Variants in PDE11A observed in about 807,000 individuals in gnomAD.
PDE11A encodes the protein dual 3',5'-cyclic-AMP and -GMP phosphodiesterase 11A.
A neutral mutation model predicts 100.5 loss-of-function variants in PDE11A; 100 were observed. The observed-to-expected ratio is 1.00, with a 90% CI of 0.85 to 1.18. PDE11A has a LOEUF of 1.18. Ranked by LOEUF, PDE11A falls within the 50% of genes most tolerant of loss-of-function variation. The pLI, the probability that PDE11A is intolerant of heterozygous loss-of-function variation, is 0.00. For synonymous variants in PDE11A, 381 were observed against 420.8 expected (o/e 0.91, Z 1.16); for missense variants, 1,141 against 1,152.6 (o/e 0.99, Z 0.15).
Position 177,625,729 on chromosome 2 carries a change from T to C in PDE11A, c.*3678A>G, listed in dbSNP as rs1371395019. Reference sequence around the variant, plus strand: ...TAAGGACTGGGAAACTTCCTTTCTCTTTTTTGGAAAAGCAGATTATATGGA... The same window carrying C: ...TAAGGACTGGGAAACTTCCTTTCTCCTTTTTGGAAAAGCAGATTATATGGA... On this transcript the variant is annotated 3_prime_UTR_variant, in exon 20 of 20. Transcript: ENST00000286063. The C allele has an allele frequency of 6.6e-6, 1 of 152,312 alleles. No homozygotes were observed. Among genetic ancestry groups the C allele is most frequent in the East Asian group, 1.9e-4 (1 of 5,202 alleles). 9.4% of individuals were successfully genotyped at this position (152,312 alleles called of 1,614,324 possible).
At chr2:178,067,191 C>T (rs2087058509) in intron 1 of PDE11A, among the ~76,000 whole-genome samples, 1 of 152,156 alleles carries the variant, frequency 6.6e-6, no homozygotes. Context: ...CTCCACCAGA[C>T]CATGACAGTA....
chr2:177,675,910 C>G (rs2080765962), intron 16 of PDE11A: 1 of 334,834 alleles, frequency 3.0e-6, no homozygotes, highest in African/African-American at 2.1e-5. Flanking sequence ...GCTGATGAAA[C>G]TACTTACCAA....
At position 178,061,365 on chromosome 2, in the gene PDE11A, G is replaced by A. The variant is rs188172644; in HGVS notation, c.912+10161C>T. 1.1e-3 allele frequency among the ~76,000 whole-genome samples: 160 copies of A among 152,150 alleles called. 3 individuals are homozygous for A. The highest frequency in any genetic ancestry group is 6.6e-4 in the Non-Finnish European group (45 of 67,994). On this transcript the variant is annotated intron_variant, in intron 1 of 19. Transcript: ENST00000286063. ...TGCTACTAAACAACCATCCTACAAT[G>A]CACAGGTCACCCTACCTCCAACAAA...
At chr2:177,769,176 C>T in intron 10 of PDE11A, 147 bp downstream of exon 10, 1 of 659,860 alleles carries the variant, frequency 1.5e-6, no homozygotes, top group Non-Finnish European at 2.8e-6. Context: ...CCCTCTAAAA[C>T]AGAAATATAA....
At chr2:177,806,718 A>G (rs561546845) in intron 9 of PDE11A, among the ~76,000 whole-genome samples, 1 of 152,316 alleles carries the variant, frequency 6.6e-6, no homozygotes, top group Non-Finnish European at 1.5e-5. Flanking sequence ...TGTTAGAATT[A>G]AAGACCAAGA....
intron 9 of PDE11A, among the ~76,000 whole-genome samples, chr2:177,776,684 G>A (rs1018273951): frequency 6.6e-6 from 1 of 152,106 alleles, no homozygotes; most frequent in African/African-American, 2.4e-5. Flanking sequence ...TATGACTGGG[G>A]TCCTTACAAG....
At chr2:177,813,989 G>A (rs2082994088) in intron 9 of PDE11A, among the ~76,000 whole-genome samples, 1 of 152,110 alleles carries the variant, frequency 6.6e-6, no homozygotes, top group African/African-American at 2.4e-5. Context: ...ACACCTGAGT[G>A]GGGAATCTTC....
intron 5 of PDE11A, among the ~76,000 whole-genome samples, chr2:177,867,352 C>A (rs980164830): frequency 6.6e-6 from 1 of 152,170 alleles, no homozygotes; most frequent in Admixed American, 6.5e-5. Flanking sequence ...TAGAGGTGCT[C>A]CTCCAGGCCC....
At chr2:177,687,934 T>C (rs761063671) in intron 15 of PDE11A, 35 of 152,244 alleles carry the variant, frequency 2.3e-4, no homozygotes, top group Non-Finnish European at 4.4e-4. Context: ...ACCGTGGTAT[T>C]TGCCAGCTGA....
At position 178,026,660 on chromosome 2, in the gene PDE11A, C is replaced by CAAAA. The variant is rs67326972; in HGVS notation, c.913-12204_913-12201dup. 7.3e-3 allele frequency among the ~76,000 whole-genome samples: 790 copies of CAAAA among 107,976 alleles called. 3 individuals carry two copies. Among genetic ancestry groups the CAAAA allele is most frequent in the African/African-American group, 0.026 (729 of 28,042 alleles). The allele number at this position is 107,976 out of a possible 152,430, so 70.8% of individuals were successfully genotyped here. On this transcript the variant is annotated intron_variant, in intron 1 of 19. Transcript: ENST00000286063. ...TGTGCAACAGAGCGAGACTCTGTCT[C>CAAAA]AAAAAAAAAAAAAGAAAAGAAAAAA...
intron 5 of PDE11A, among the ~76,000 whole-genome samples, chr2:177,853,923 T>C (rs1211605811): frequency 6.8e-6 from 1 of 147,364 alleles, no homozygotes; most frequent in East Asian, 2.0e-4. Flanking sequence ...TGCATATATA[T>C]GTATATATAT....
At chr2:177,702,788 A>C (rs766160371) in intron 13 of PDE11A, 10 of 152,190 alleles carry the variant, frequency 6.6e-5, no homozygotes, top group Non-Finnish European at 1.0e-4. Flanking sequence ...AATATAATGT[A>C]AAATATCGGA....
At chr2:177,857,226 A>C (rs932027053) in intron 5 of PDE11A, among the ~76,000 whole-genome samples, 4 of 152,012 alleles carry the variant, frequency 2.6e-5, no homozygotes, top group Non-Finnish European at 4.4e-5. Flanking sequence ...ATGAAAAATT[A>C]AGACATTCTC....
chr2:178,073,449 A>G (rs2087165293), upstream of PDE11A, among the ~76,000 whole-genome samples: 1 of 152,210 alleles, frequency 6.6e-6, no homozygotes, highest in Non-Finnish European at 1.5e-5. Context: ...TTTACCAGGT[A>G]GAGGAAGTAA....
At chr2:177,923,151 T>C (rs1559008430) in intron 2 of PDE11A, among the ~76,000 whole-genome samples, 3 of 151,586 alleles carry the variant, frequency 2.0e-5, no homozygotes. Flanking sequence ...TAAATATTTT[T>C]AATTTATTAA....
Position 178,105,190 on chromosome 2 carries a change from G to C in PDE11A, c.-13-714C>G, listed in dbSNP as rs184973396. Among the ~76,000 whole-genome samples, 3 of 152,260 alleles carry C rather than the reference G, an allele frequency of 2.0e-5. No individual in the cohort carries two copies. In the East Asian group the frequency reaches 5.8e-4, roughly 29 times the overall value. ...GTAAAGACCCTACTGGGTTGGGTGC[G>C]GTGGCTCATGTCTGTAATCCCAGCA... On this transcript the variant is annotated intron_variant, in intron 1 of 20. Coordinates refer to the PDE11A transcript ENST00000358450.
intron 5 of PDE11A, among the ~76,000 whole-genome samples, chr2:177,856,862 C>T (rs952268774): frequency 6.6e-6 from 1 of 151,850 alleles, no homozygotes; most frequent in African/African-American, 2.4e-5. Context: ...AAAAAGGAGA[C>T]AAAGGGTCAG....
chr2:177,882,280 A>G (rs1455826364), intron 4 of PDE11A, among the ~76,000 whole-genome samples: 1 of 152,244 alleles, frequency 6.6e-6, no homozygotes, highest in African/African-American at 2.4e-5. Context: ...CAAAGAGAAA[A>G]TTGTTTATAG....
intron 9 of PDE11A, among the ~76,000 whole-genome samples, chr2:177,769,967 T>C (rs2082290314): frequency 2.0e-5 from 3 of 149,252 alleles, no homozygotes; most frequent in Admixed American, 2.0e-4. Flanking sequence ...TCCTGTGAAA[T>C]GCTCTACAAG....
Sources: allele counts gnomAD v4.1 joint callset (sites outside exome capture counted in the v4.1 genomes callset), GRCh38; gene constraint gnomAD v4.1.1; transcripts MANE v1.5; gene names NCBI Gene and HGNC (gene_info 2026-07-23, HGNC 2026-07-21).